The following MAD1L1 variants were observed in gnomAD, a reference collection of about 807,000 sequenced individuals.
The protein encoded by MAD1L1 is mitotic arrest deficient 1 like 1.
MAD1L1 carries 95 observed loss-of-function variants against 96.9 expected under a neutral mutation model. The observed-to-expected ratio is 0.98, with a 90% CI of 0.83 to 1.16. The LOEUF is 1.16. MAD1L1 is among the 50% of genes most tolerant of loss of function. The pLI is 0.00. For synonymous variants in MAD1L1, 473 were observed against 396.6 expected, an observed-to-expected ratio of 1.19 and a Z score of -2.29; for missense variants, 1,007 against 954.4, an observed-to-expected ratio of 1.06 and a Z score of -0.73.
At chr7:1,863,740 G>T (rs529489238) in intron 18 of MAD1L1, among the ~76,000 whole-genome samples, 1 of 152,184 alleles carries the variant, frequency 6.6e-6, no homozygotes, top group African/African-American at 2.4e-5. Context: ...CCGGAACACC[G>T]TGGGCTCCCG....
At chr7:1,847,361 G>A (rs1484272466) in intron 18 of MAD1L1, 1 of 471,100 alleles carries the variant, frequency 2.1e-6, no homozygotes. Flanking sequence ...GTACCACGGG[G>A]CGGACCAGGG....
intron 10 of MAD1L1, among the ~76,000 whole-genome samples, chr7:2,206,819 T>A (rs1637736): frequency 1.3e-5 from 2 of 151,866 alleles, no homozygotes; most frequent in Non-Finnish European, 2.9e-5. Flanking sequence ...CAGTGGCTCA[T>A]GCCTGTAATC....
rs1784861134 is a variant in MAD1L1, at chr7:2,065,999, C to T, written c.1218+3195G>A. On this transcript the variant is annotated intron_variant, in intron 12 of 18. Coordinates refer to ENST00000265854, the MANE Select transcript of MAD1L1 (RefSeq NM_001013836.2). ...GAAAATGGTTTGTGTTCACCCAGTT[C>T]CAGAAGCCAATTTTCAACTGCTTAA... is the stretch of plus-strand genomic sequence containing the variant. Among the ~76,000 whole-genome samples, 3 of 152,312 alleles carry T rather than the reference C, an allele frequency of 2.0e-5. No homozygotes were observed. In the South Asian group the frequency reaches 6.2e-4, roughly 32 times the overall value.
chr7:2,053,951 C>T (rs890162994), intron 12 of MAD1L1, among the ~76,000 whole-genome samples: 1 of 152,258 alleles, frequency 6.6e-6, no homozygotes, highest in Non-Finnish European at 1.5e-5. Flanking sequence ...ATGCCCTCAT[C>T]GGGGTTTCTG....
At chr7:1,935,329 G>A (rs533350058) in intron 17 of MAD1L1, among the ~76,000 whole-genome samples, 2 of 152,362 alleles carry the variant, frequency 1.3e-5, no homozygotes, top group South Asian at 4.1e-4. Flanking sequence ...CAGCCCTTGT[G>A]CAGGTGGGGA....
chr7:2,147,309 G>A (rs1029901156), intron 11 of MAD1L1, among the ~76,000 whole-genome samples: 1 of 152,218 alleles, frequency 6.6e-6, no homozygotes, highest in African/African-American at 2.4e-5. Context: ...GAGGCCTCCT[G>A]CGCCTCTCCA....
intron 18 of MAD1L1, among the ~76,000 whole-genome samples, chr7:1,842,879 T>C (rs2128633767): frequency 6.6e-6 from 1 of 152,346 alleles, no homozygotes; most frequent in Middle Eastern, 3.4e-3. Context: ...ACGGGCTGCC[T>C]TGCGGCTGGT....
chr7:1,818,201 G>C (rs1781928413), intron 18 of MAD1L1, among the ~76,000 whole-genome samples: 1 of 152,100 alleles, frequency 6.6e-6, no homozygotes, highest in Admixed American at 6.6e-5. Context: ...GAGGCAGTGT[G>C]GGAAGAAGTC....
chr7:2,085,755 A>C (rs967848933), intron 11 of MAD1L1, among the ~76,000 whole-genome samples: 10 of 152,226 alleles, frequency 6.6e-5, no homozygotes, highest in African/African-American at 2.4e-4. Context: ...TCTCTTGGCT[A>C]CTATGAGCAA....
chr7:1,964,757 GA>G (rs1749429442), intron 15 of MAD1L1, among the ~76,000 whole-genome samples: 1 of 152,210 alleles, frequency 6.6e-6, no homozygotes, highest in Non-Finnish European at 1.5e-5. Flanking sequence ...GGGTAGCCGG[GA>G]TCTTGCTTAT....
intron 18 of MAD1L1, among the ~76,000 whole-genome samples, chr7:1,880,602 A>G (rs1210683911): frequency 1.3e-5 from 2 of 152,116 alleles, no homozygotes; most frequent in African/African-American, 4.8e-5. Flanking sequence ...TAGTTCTTGA[A>G]CCTGCGTGCG....
At chr7:1,980,069 G>C (rs1458085301) in intron 15 of MAD1L1, among the ~76,000 whole-genome samples, 1 of 152,246 alleles carries the variant, frequency 6.6e-6, no homozygotes, top group Admixed American at 6.5e-5. Context: ...CTTTACTCCA[G>C]CCACCCACGG....
At chr7:1,938,737 G>GGCGC (rs529152263) in intron 16 of MAD1L1, among the ~76,000 whole-genome samples, 1 of 104,764 alleles carries the variant, frequency 9.5e-6, no homozygotes, top group Admixed American at 1.1e-4. Flanking sequence ...TGGGGCCAGA[G>GGCGC]GCGCGCACGC....
intron 15 of MAD1L1, among the ~76,000 whole-genome samples, chr7:1,969,599 T>C (rs1780318466): frequency 6.6e-6 from 1 of 152,216 alleles, no homozygotes; most frequent in African/African-American, 2.4e-5. Context: ...TCTTTGCAGA[T>C]GCCAGGCTAC....
intron 12 of MAD1L1, among the ~76,000 whole-genome samples, chr7:2,054,122 T>A (rs1784297043): frequency 1.3e-5 from 2 of 152,152 alleles, no homozygotes; most frequent in Non-Finnish European, 2.9e-5. Context: ...TGTGGCCATC[T>A]CCTCAAATCT....
intron 10 of MAD1L1, among the ~76,000 whole-genome samples, chr7:2,183,583 T>C (rs902608240): frequency 6.6e-6 from 1 of 152,182 alleles, no homozygotes; most frequent in African/African-American, 2.4e-5. Context: ...TAAAAAATGA[T>C]GAGTTCATGT....
chr7:1,902,199 A>G (rs1280646600), intron 17 of MAD1L1, among the ~76,000 whole-genome samples: 2 of 152,194 alleles, frequency 1.3e-5, no homozygotes, highest in Non-Finnish European at 2.9e-5. Context: ...CACAGGAGGC[A>G]GCTGTGAAGA....
At chr7:2,191,236 C>G (rs1377276732) in intron 10 of MAD1L1, among the ~76,000 whole-genome samples, 3 of 152,174 alleles carry the variant, frequency 2.0e-5, no homozygotes, top group Non-Finnish European at 1.5e-5. Flanking sequence ...GACAGCCAGA[C>G]TGAGGGCAAG....
intron 17 of MAD1L1, among the ~76,000 whole-genome samples, chr7:1,913,197 G>A (rs1165366246): frequency 2.6e-5 from 4 of 152,170 alleles, no homozygotes; most frequent in Non-Finnish European, 5.9e-5. Context: ...GAACTCTTCA[G>A]ATAGCAGGAG....
Sources: allele counts gnomAD v4.1 joint callset (sites outside exome capture counted in the v4.1 genomes callset), GRCh38; gene constraint gnomAD v4.1.1; transcripts MANE v1.5; gene names NCBI Gene and HGNC (gene_info 2026-07-23, HGNC 2026-07-21).